The following GRM7 variants were observed in gnomAD, a reference collection of about 807,000 sequenced individuals.
GRM7 encodes the protein glutamate metabotropic receptor 7.
GRM7 carries 35 observed loss-of-function variants against 84.5 expected under a neutral mutation model. That is an observed-to-expected ratio of 0.41 (90% CI 0.32 to 0.55). The LOEUF (loss-of-function observed/expected upper bound fraction) is 0.55, where lower values mean the gene tolerates loss of function less well. Among genes scored for constraint, GRM7 ranks in the 20% least tolerant of loss-of-function variants. GRM7 has a pLI of 0.19. For synonymous variants in GRM7, 487 were observed against 455.1 expected (o/e 1.07, Z -0.89); for missense variants, 1,003 against 1,194.6 (o/e 0.84, Z 2.36).
chr3:7,611,864 A>C (rs926367292), intron 8 of GRM7, among the ~76,000 whole-genome samples: 3 of 152,212 alleles, frequency 2.0e-5, no homozygotes, highest in Admixed American at 6.5e-5. Context: ...AAGTTAATTC[A>C]TAGTATGAGA....
intron 1 of GRM7, among the ~76,000 whole-genome samples, chr3:7,089,800 G>A (rs1326416400): frequency 6.6e-6 from 1 of 152,152 alleles, no homozygotes. Context: ...AGATAGCCCT[G>A]ACTAGAGTAA....
chr3:7,034,550 C>T (rs1303405383), intron 1 of GRM7, among the ~76,000 whole-genome samples: 5 of 152,160 alleles, frequency 3.3e-5, no homozygotes, highest in Non-Finnish European at 5.9e-5. Flanking sequence ...CATATACGTA[C>T]ACACATACAT....
At chr3:7,395,903 G>T (rs60657503) in intron 4 of GRM7, among the ~76,000 whole-genome samples, 2 of 152,060 alleles carry the variant, frequency 1.3e-5, no homozygotes, top group African/African-American at 4.8e-5. Flanking sequence ...TCTAGGAGGA[G>T]AATATTCAAT....
intron 2 of GRM7, among the ~76,000 whole-genome samples, chr3:7,248,150 C>T (rs1467296440): frequency 1.3e-5 from 2 of 152,170 alleles, no homozygotes; most frequent in East Asian, 3.9e-4. Flanking sequence ...AGCATGTCCA[C>T]TTACAGACTT....
At chr3:7,678,142 T>C (rs1700211531) in intron 8 of GRM7, among the ~76,000 whole-genome samples, 1 of 152,150 alleles carries the variant, frequency 6.6e-6, no homozygotes, top group Non-Finnish European at 1.5e-5. Context: ...GAGTGTGGAA[T>C]TATTCATACC....
At chr3:7,519,886 T>TGGC (rs1190572053) in intron 7 of GRM7, 2 of 152,618 alleles carry the variant, frequency 1.3e-5, no homozygotes, top group Non-Finnish European at 2.9e-5. Flanking sequence ...TAGTTGAGGC[T>TGGC]GGCTGCTGGC....
chr3:7,143,380 A>G (rs1377255373), intron 1 of GRM7, among the ~76,000 whole-genome samples: 1 of 152,150 alleles, frequency 6.6e-6, no homozygotes, highest in Non-Finnish European at 1.5e-5. Flanking sequence ...CCGTATTTTT[A>G]TCTCAGAATA....
intron 2 of GRM7, among the ~76,000 whole-genome samples, chr3:7,245,195 G>A (rs577247339): frequency 5.3e-5 from 8 of 151,854 alleles, no homozygotes; most frequent in African/African-American, 1.2e-4. Context: ...TGACATACCC[G>A]GACTCCCTAA....
chr3:7,289,899 C>A (rs1441827500), intron 2 of GRM7, among the ~76,000 whole-genome samples: 2 of 151,468 alleles, frequency 1.3e-5, no homozygotes, highest in Admixed American at 1.3e-4. Context: ...AGGAGAAATA[C>A]CTAATGTAAA....
rs115326546 is a variant in GRM7, at chr3:7,559,654, C to T, written c.1516-18768C>T. 3.4e-3 allele frequency among the ~76,000 whole-genome samples: 518 copies of T among 152,160 alleles called. 1 individual carries two copies. Among genetic ancestry groups the T allele is most frequent in the African/African-American group, 0.012 (488 of 41,536 alleles). On this transcript the variant is annotated intron_variant, in intron 7 of 9. Transcript: ENST00000357716. ...TCTACAGTATTATTTCTCAACTCTG[C>T]GAAGGCGAATGAACACAAAGAGTTT... is the stretch of plus-strand genomic sequence containing the variant.
chr3:7,553,848 AC>A (rs2125028645), intron 7 of GRM7, among the ~76,000 whole-genome samples: 2 of 152,270 alleles, frequency 1.3e-5, no homozygotes, highest in South Asian at 4.1e-4. Flanking sequence ...ACAAAGCCTA[AC>A]CCATATCAGT....
chr3:7,526,492 C>T (rs960538063), intron 7 of GRM7, among the ~76,000 whole-genome samples: 1 of 151,778 alleles, frequency 6.6e-6, no homozygotes, highest in African/African-American at 2.4e-5. Context: ...CTGTTTACTC[C>T]ATTGGTGGTT....
intron 4 of GRM7, among the ~76,000 whole-genome samples, chr3:7,348,914 C>A (rs1693010846): frequency 6.6e-6 from 1 of 152,064 alleles, no homozygotes; most frequent in Non-Finnish European, 1.5e-5. Flanking sequence ...ACATGTAATT[C>A]TTTAAGCATT....
chr3:7,468,426 G>A (rs1358839371), intron 7 of GRM7, among the ~76,000 whole-genome samples: 1 of 152,186 alleles, frequency 6.6e-6, no homozygotes, highest in African/African-American at 2.4e-5. Context: ...TAGCTGTAAA[G>A]CAGGCTTATG....
chr3:7,393,374 T>C (rs999906368), intron 4 of GRM7, among the ~76,000 whole-genome samples: 2 of 152,166 alleles, frequency 1.3e-5, no homozygotes, highest in Non-Finnish European at 2.9e-5. Context: ...GAGGCCCTAG[T>C]GAGTCGAGGG....
chr3:7,584,754 T>A (rs866459710), intron 8 of GRM7, among the ~76,000 whole-genome samples: 1 of 152,248 alleles, frequency 6.6e-6, no homozygotes, highest in Non-Finnish European at 1.5e-5. Context: ...TTTTGGACTT[T>A]TTAAGCATTA....
chr3:7,466,087 G>A (rs926722788), intron 7 of GRM7, among the ~76,000 whole-genome samples: 1 of 152,062 alleles, frequency 6.6e-6, no homozygotes, highest in Non-Finnish European at 1.5e-5. Flanking sequence ...AATTTCTTAG[G>A]TTTCTATTCT....
chr3:7,606,850 T>G (rs1696598154), intron 8 of GRM7: 1 of 152,110 alleles, frequency 6.6e-6, no homozygotes, highest in African/African-American at 2.4e-5. Context: ...TTCTTAATAA[T>G]CAAGGACATA....
chr3:7,353,280 G>A (rs1293419840), intron 4 of GRM7, among the ~76,000 whole-genome samples: 1 of 152,052 alleles, frequency 6.6e-6, no homozygotes, highest in Non-Finnish European at 1.5e-5. Flanking sequence ...ATTTATACAG[G>A]TAGAAATCCA....
Sources: allele counts gnomAD v4.1 joint callset (sites outside exome capture counted in the v4.1 genomes callset), GRCh38; gene constraint gnomAD v4.1.1; transcripts MANE v1.5; gene names NCBI Gene and HGNC (gene_info 2026-07-23, HGNC 2026-07-21).